Variants in NRG1 observed in about 807,000 individuals in gnomAD.
NRG1 encodes pro-neuregulin-1, membrane-bound isoform.
Under a neutral mutation model 63.8 loss-of-function variants are expected in NRG1, and 18 were observed. That is an observed-to-expected ratio of 0.28 (90% CI 0.19 to 0.42). The LOEUF (loss-of-function observed/expected upper bound fraction) is 0.42, where lower values mean the gene tolerates loss of function less well. Ranked by LOEUF, NRG1 falls within the 10% of genes least tolerant of loss-of-function variation. NRG1 has a pLI of 1.00. For synonymous variants in NRG1, 302 were observed against 301.3 expected, an observed-to-expected ratio of 1.00 and a Z score of -0.02; for missense variants, 762 against 814.7, an observed-to-expected ratio of 0.94 and a Z score of 0.79.
intron 7 of NRG1, among the ~76,000 whole-genome samples, chr8:32,746,836 T>C (rs1827521100): frequency 6.6e-6 from 1 of 151,422 alleles, no homozygotes; most frequent in Non-Finnish European, 1.5e-5. Context: ...TAATAACCTT[T>C]TCATAAAATG....
chr8:32,442,811 A>G (rs1819718581), intron 1 of NRG1: 1 of 152,208 alleles, frequency 6.6e-6, no homozygotes, highest in Non-Finnish European at 1.5e-5. Flanking sequence ...AACTAGTCTA[A>G]TCAAGGTAGG....
At chr8:31,899,618 T>C (rs1488003688) in intron 1 of NRG1, among the ~76,000 whole-genome samples, 2 of 152,192 alleles carry the variant, frequency 1.3e-5, no homozygotes, top group Non-Finnish European at 1.5e-5. Flanking sequence ...ATATACCCTA[T>C]GCTTCCATTG....
At chr8:31,885,509 T>G (rs893483441) in intron 1 of NRG1, among the ~76,000 whole-genome samples, 1 of 152,130 alleles carries the variant, frequency 6.6e-6, no homozygotes, top group African/African-American at 2.4e-5. Context: ...TGCCAAGGAT[T>G]ATTTCCCTAT....
At chr8:32,493,570 A>G (rs1281266116) in intron 1 of NRG1, among the ~76,000 whole-genome samples, 1 of 152,236 alleles carries the variant, frequency 6.6e-6, no homozygotes, top group Non-Finnish European at 1.5e-5. Flanking sequence ...ATACAATGAC[A>G]TTCTTATAAT....
intron 1 of NRG1, among the ~76,000 whole-genome samples, chr8:31,814,414 A>G (rs1416007591): frequency 6.6e-6 from 1 of 152,220 alleles, no homozygotes; most frequent in Non-Finnish European, 1.5e-5. Context: ...ATTGTGCTAT[A>G]GGGTGACTTG....
At chr8:32,201,755 T>C (rs1190032649) in intron 1 of NRG1, among the ~76,000 whole-genome samples, 2 of 152,196 alleles carry the variant, frequency 1.3e-5, no homozygotes, top group Admixed American at 6.6e-5. Context: ...TAGAAAATAA[T>C]GATGTCCAAA....
At chr8:31,821,117 C>T (rs1456098925) in intron 1 of NRG1, among the ~76,000 whole-genome samples, 3 of 151,984 alleles carry the variant, frequency 2.0e-5, no homozygotes, top group Non-Finnish European at 4.4e-5. Flanking sequence ...GTTTTATTTG[C>T]ATTGTTTAGG....
chr8:32,748,824 A>G, intron 7 of NRG1: 1 of 372,586 alleles, frequency 2.7e-6, no homozygotes, highest in South Asian at 2.0e-5. Context: ...TATGCCATAC[A>G]GAACTTATAT....
intron 1 of NRG1, among the ~76,000 whole-genome samples, chr8:32,447,341 G>C (rs1457562586): frequency 6.6e-6 from 1 of 151,954 alleles, no homozygotes; most frequent in Non-Finnish European, 1.5e-5. Flanking sequence ...CTTTTAATAA[G>C]ATTGTCTCAT....
At chr8:32,741,318 C>T (rs758783334) in intron 6 of NRG1, among the ~76,000 whole-genome samples, 2 of 152,072 alleles carry the variant, frequency 1.3e-5, no homozygotes, top group African/African-American at 4.8e-5. Flanking sequence ...AGTAATTCTG[C>T]ATAAGAATAA....
At chr8:32,030,489 T>C (rs1272024822) in intron 1 of NRG1, 1 of 152,332 alleles carries the variant, frequency 6.6e-6, no homozygotes, top group East Asian at 1.9e-4. Context: ...AAGCAACTTT[T>C]TCACCTTTTC....
At chr8:32,122,452 C>T (rs1344578729) in intron 1 of NRG1, among the ~76,000 whole-genome samples, 1 of 151,936 alleles carries the variant, frequency 6.6e-6, no homozygotes, top group East Asian at 1.9e-4. Flanking sequence ...AATATATTCA[C>T]ATGGGTGAAA....
At chr8:31,639,525 G>T in intron 1 of NRG1, 1 of 1,497,326 alleles carries the variant, frequency 6.7e-7, no homozygotes, top group Non-Finnish European at 8.9e-7. Flanking sequence ...TCTCTCCCTC[G>T]CGCTCTCTCC....
chr8:31,769,499 G>A (rs1390972131), intron 1 of NRG1, among the ~76,000 whole-genome samples: 2 of 152,154 alleles, frequency 1.3e-5, no homozygotes, highest in Non-Finnish European at 2.9e-5. Flanking sequence ...TTTTCATTGG[G>A]CACAGAAAAA....
At chr8:31,915,117 A>T (rs923426724) in intron 1 of NRG1, among the ~76,000 whole-genome samples, 1 of 151,958 alleles carries the variant, frequency 6.6e-6, no homozygotes. Flanking sequence ...AACTGACAGT[A>T]TTGGATATTT....
At chr8:32,057,127 A>G (rs191142726) in intron 1 of NRG1, among the ~76,000 whole-genome samples, 4 of 152,296 alleles carry the variant, frequency 2.6e-5, no homozygotes, top group Middle Eastern at 3.4e-3. Context: ...ATTACATTCT[A>G]TCTTTGACCT....
downstream of NRG1, among the ~76,000 whole-genome samples, chr8:32,770,391 CA>C (rs1831706936): frequency 6.6e-6 from 1 of 152,132 alleles, no homozygotes; most frequent in Non-Finnish European, 1.5e-5. Flanking sequence ...CACTTGTACC[CA>C]GGTTTTCTGA....
intron 1 of NRG1, among the ~76,000 whole-genome samples, chr8:32,538,042 G>T (rs1340727828): frequency 6.6e-6 from 1 of 152,054 alleles, no homozygotes; most frequent in East Asian, 1.9e-4. Context: ...AGTAGAGACA[G>T]GGTTTCATCA....
At chr8:32,747,953 T>C (rs1006723859) in intron 7 of NRG1, among the ~76,000 whole-genome samples, 1 of 151,948 alleles carries the variant, frequency 6.6e-6, no homozygotes, top group African/African-American at 2.4e-5. Flanking sequence ...TCACGTCTCC[T>C]TTACTCCCCA....
Sources: gnomAD v4.1 joint callset for allele counts (sites outside exome capture counted in the v4.1 genomes callset) on GRCh38, gnomAD v4.1.1 for gene constraint, MANE v1.5 for transcripts, NCBI Gene and HGNC (gene_info 2026-07-23, HGNC 2026-07-21) for gene names.